Variants in ACADM observed in about 807,000 individuals in gnomAD.
ACADM encodes acyl-CoA dehydrogenase medium chain.
Under a neutral mutation model 58.9 loss-of-function variants are expected in ACADM, and 49 were observed. The ratio of observed to expected loss-of-function variants is 0.83; its 90% CI spans 0.66 to 1.06. The LOEUF (loss-of-function observed/expected upper bound fraction) is 1.06, where lower values mean the gene tolerates loss of function less well. Ranked by LOEUF, ACADM falls within the 50% of genes least tolerant of loss-of-function variation. The probability of loss-of-function intolerance (pLI) is 0.00; values close to 1 mark genes in which losing one functional copy is unlikely to be tolerated. For synonymous variants in ACADM, 160 were observed against 157.7 expected (o/e 1.01, Z -0.11); for missense variants, 496 against 507.0 (o/e 0.98, Z 0.21).
chr1:75,738,483 A>G (rs1570873825), intron 6 of ACADM, among the ~76,000 whole-genome samples: 1 of 151,964 alleles, frequency 6.6e-6, no homozygotes, highest in African/African-American at 2.4e-5. Flanking sequence ...CGGCCTCCCA[A>G]AGTGCTGGGA....
intron 2 of ACADM, among the ~76,000 whole-genome samples, chr1:75,731,176 G>C (rs564275376): frequency 1.9e-4 from 29 of 150,484 alleles, no homozygotes; most frequent in Admixed American, 1.0e-3. Flanking sequence ...CTGCTCAGGA[G>C]GCTGAGACAG....
chr1:75,756,741 C>T (rs1025522420), intron 10 of ACADM, among the ~76,000 whole-genome samples: 3 of 152,144 alleles, frequency 2.0e-5, no homozygotes, highest in Admixed American at 6.6e-5. Context: ...CAAAAAAGCC[C>T]ACATTGCCCA....
rs1647169961 is a variant in ACADM, at chr1:75,732,858, A to G, written c.222A>G (p.Pro74=). The change falls in exon 4 of 12, where the codon CCA becomes CCG. Residue 74 remains proline, a synonymous_variant. Transcript: ENST00000370841. ...CTCAGTTCTTTTTCTTCTAGTATCC[A>G]GTCCCCCTAATTAGAAGAGCCTGGG... The part of the protein sequence containing the change: ...AAEYDKTGEY[P]VPLIRRAWEL... The G allele has an allele frequency of 6.2e-7, 1 of 1,613,226 alleles. No homozygotes were observed. The highest frequency in any genetic ancestry group is 1.3e-5 in the African/African-American group (1 of 74,928).
chr1:75,757,075 T>A (rs988675773), intron 10 of ACADM, among the ~76,000 whole-genome samples: 2 of 152,336 alleles, frequency 1.3e-5, no homozygotes, highest in African/African-American at 4.8e-5. Flanking sequence ...GATTAAAGAC[T>A]TAAATGTTAG....
chr1:75,749,758 G>C (rs1345771354), intron 9 of ACADM, among the ~76,000 whole-genome samples, 199 bp downstream of exon 9: 3 of 144,020 alleles, frequency 2.1e-5, no homozygotes, highest in Non-Finnish European at 4.5e-5. Context: ...CTGTCACCAG[G>C]ATGGAGTGCA....
intron 7 of ACADM, chr1:75,744,304 G>C: frequency 6.2e-7 from 1 of 1,613,522 alleles, no homozygotes; most frequent in Non-Finnish European, 8.5e-7. Flanking sequence ...AGCAGCAGGA[G>C]CTTCAGCCGG....
rs992092720 is a variant in ACADM at position 75,745,809 on chromosome 1, T to A, written c.603T>A (p.Tyr201Ter). ...ATCCGGTATGTGTATCTCTTAGGTA[T>A]TTTTTATTGGCACGTTCTGATCCAG... ...WITNGGKANW[Y>*]FLLARSDPDP... Residue 201 changes from tyrosine to a stop codon, truncating the protein, a stop_gained, in exon 8 of 12, where the codon TAT becomes TAA. Coordinates refer to ENST00000370841, the MANE Select transcript of ACADM (RefSeq NM_000016.6). LOFTEE classifies it high-confidence loss of function. 1 of 1,610,860 alleles carries A rather than the reference T, an allele frequency of 6.2e-7. No homozygotes were observed. The highest frequency in any genetic ancestry group is 1.3e-5 in the African/African-American group (1 of 74,952).
chr1:75,730,894 A>C (rs1308287781), intron 2 of ACADM, among the ~76,000 whole-genome samples: 1 of 152,096 alleles, frequency 6.6e-6, no homozygotes, highest in South Asian at 2.1e-4. Flanking sequence ...TAAAGCTGTG[A>C]TAGAGAGAAC....
At chr1:75,731,884 T>C (rs906272185) in intron 2 of ACADM, among the ~76,000 whole-genome samples, 9 of 151,774 alleles carry the variant, frequency 5.9e-5, no homozygotes, top group African/African-American at 2.2e-4. Flanking sequence ...ATGAAATAGA[T>C]AGGGTGAGGT....
chr1:75,747,924 T>G (rs1400642833), intron 8 of ACADM, among the ~76,000 whole-genome samples: 1 of 152,208 alleles, frequency 6.6e-6, no homozygotes, highest in Non-Finnish European at 1.5e-5. Flanking sequence ...GGTCCAAGAT[T>G]CTAGTTTATT....
chr1:75,728,917 A>G (rs1570852520), intron 2 of ACADM, among the ~76,000 whole-genome samples: 1 of 152,338 alleles, frequency 6.6e-6, no homozygotes, highest in East Asian at 1.9e-4. Flanking sequence ...TGGTACTATT[A>G]GATGAAGTTC....
intron 6 of ACADM, among the ~76,000 whole-genome samples, chr1:75,737,262 C>T (rs944043019): frequency 1.7e-5 from 2 of 114,994 alleles, no homozygotes; most frequent in Non-Finnish European, 3.4e-5. Context: ...GAGAGACTGC[C>T]ACCACACACA....
chr1:75,728,774 T>C (rs1038890571), intron 2 of ACADM, among the ~76,000 whole-genome samples: 1 of 152,224 alleles, frequency 6.6e-6, no homozygotes, highest in African/African-American at 2.4e-5. Flanking sequence ...TTTACTGATA[T>C]ATATGAATAG....
chr1:75,761,403 G>A (rs767821023), intron 11 of ACADM, 33 bp downstream of exon 11: 1 of 1,609,388 alleles, frequency 6.2e-7, no homozygotes, highest in Non-Finnish European at 8.5e-7. Flanking sequence ...TGGTTTGCAA[G>A]GAGAGAGAAT....
In ACADM at chr1:75,754,498, G is replaced by A. The variant is rs144662494; in HGVS notation, c.945+3952G>A. 5.8e-4 allele frequency among the ~76,000 whole-genome samples: 88 copies of A among 152,242 alleles called. No homozygotes were observed. In the East Asian group the frequency reaches 0.01, roughly 17 times the overall value. ...GTTGGGATTACAGGCGTGAGCCACC[G>A]TGTCCAGCCACTTGTCTTTCAGTCT... On this transcript the variant is annotated intron_variant, in intron 10 of 11. Coordinates refer to ENST00000370841, the MANE Select transcript of ACADM (RefSeq NM_000016.6).
chr1:75,753,741 T>G (rs1269410611), intron 10 of ACADM, among the ~76,000 whole-genome samples: 4 of 151,392 alleles, frequency 2.6e-5, no homozygotes, highest in African/African-American at 9.7e-5. Flanking sequence ...TATCATTTGA[T>G]TTCTACTGAA....
chr1:75,760,827 C>T (rs573016476), intron 10 of ACADM, among the ~76,000 whole-genome samples: 2 of 152,244 alleles, frequency 1.3e-5, no homozygotes, highest in Admixed American at 1.3e-4. Context: ...TGTTCTCGAT[C>T]ATGGCACTAT....
In ACADM at chr1:75,761,060, C is replaced by A. The variant is rs1463872321; in HGVS notation, c.946-62C>A. The stretch of plus-strand genomic sequence containing the variant: ...CGTCACTATAAAAATGAAAAAGCCC[C>A]AGGAAAAAACTTTTAAGTTTTCTCA... On this transcript the variant is annotated intron_variant, in intron 10 of 11. Transcript: ENST00000370841. 2.7e-6 allele frequency: 4 copies of A among 1,508,412 alleles called. No individual in the cohort carries two copies. In the African/African-American group the frequency reaches 4.2e-5, roughly 16 times the overall value. 93.4% of individuals were successfully genotyped at this position (1,508,412 alleles called of 1,614,324 possible).
chr1:75,760,409 G>C (rs558598233), intron 10 of ACADM, among the ~76,000 whole-genome samples: 7 of 147,620 alleles, frequency 4.7e-5, no homozygotes, highest in Non-Finnish European at 1.0e-4. Flanking sequence ...GCAAAAGAGT[G>C]AAACTTTGTC....
Sources: allele counts gnomAD v4.1 joint callset (sites outside exome capture counted in the v4.1 genomes callset), GRCh38; gene constraint gnomAD v4.1.1; transcripts MANE v1.5; gene names NCBI Gene and HGNC (gene_info 2026-07-23, HGNC 2026-07-21).